The following PSD3 variants were observed in gnomAD, a reference collection of about 807,000 sequenced individuals.
PSD3 encodes pleckstrin and Sec7 domain containing 3, also known as PH and SEC7 domain-containing protein 3.
PSD3 carries 49 observed loss-of-function variants against 105.5 expected under a neutral mutation model. That is an observed-to-expected ratio of 0.46 (90% CI 0.37 to 0.59). The LOEUF (loss-of-function observed/expected upper bound fraction) is 0.59. Ranked by LOEUF, PSD3 falls within the 20% of genes least tolerant of loss-of-function variation. The pLI is 0.00. For synonymous variants in PSD3, 557 were observed against 457.8 expected, an observed-to-expected ratio of 1.22 and a Z score of -2.77; for missense variants, 1,561 against 1,263.8, an observed-to-expected ratio of 1.24 and a Z score of -3.57.
intron 1 of PSD3, among the ~76,000 whole-genome samples, chr8:19,040,704 G>A (rs1001326200): frequency 2.6e-5 from 4 of 152,140 alleles, no homozygotes; most frequent in African/African-American, 9.7e-5. Context: ...AGATCACAGT[G>A]GCTTGGACCA....
chr8:18,777,962 C>T (rs1378682441), intron 8 of PSD3, among the ~76,000 whole-genome samples: 4 of 152,056 alleles, frequency 2.6e-5, no homozygotes, highest in African/African-American at 4.8e-5. Flanking sequence ...TCCACGTTAC[C>T]GTAAATGCCA....
intron 12 of PSD3, among the ~76,000 whole-genome samples, chr8:18,578,132 T>C (rs1424648634): frequency 6.9e-6 from 1 of 145,234 alleles, no homozygotes; most frequent in Non-Finnish European, 1.5e-5. Context: ...TTTTCTCTTT[T>C]TCTTGTTTTT....
At chr8:18,778,710 T>C (rs1425159897) in intron 8 of PSD3, among the ~76,000 whole-genome samples, 1 of 151,900 alleles carries the variant, frequency 6.6e-6, no homozygotes, top group Non-Finnish European at 1.5e-5. Flanking sequence ...CAAAAATATA[T>C]AATTATATTA....
chr8:18,574,024 T>A (rs1385430183), intron 13 of PSD3, among the ~76,000 whole-genome samples: 2 of 152,198 alleles, frequency 1.3e-5, no homozygotes, highest in Non-Finnish European at 2.9e-5. Context: ...TATTTTTAAT[T>A]TATGTGTCAT....
At chr8:18,960,823 T>G (rs754431792) in intron 1 of PSD3, among the ~76,000 whole-genome samples, 11 of 152,086 alleles carry the variant, frequency 7.2e-5, no homozygotes, top group Non-Finnish European at 1.2e-4. Flanking sequence ...CAGTGGCTAA[T>G]ATCGGTAATC....
At chr8:18,659,214 C>A (rs1343233825) in intron 9 of PSD3, among the ~76,000 whole-genome samples, 1 of 152,164 alleles carries the variant, frequency 6.6e-6, no homozygotes, top group African/African-American at 2.4e-5. Flanking sequence ...GTGACTAATT[C>A]AGCACTACTA....
At chr8:18,788,391 G>A (rs527745952) in intron 8 of PSD3, among the ~76,000 whole-genome samples, 6 of 152,250 alleles carry the variant, frequency 3.9e-5, no homozygotes, top group African/African-American at 1.2e-4. Context: ...CTCAGCAAGC[G>A]GGTGACCAAA....
At chr8:18,658,634 T>C (rs1378011331) in intron 9 of PSD3, among the ~76,000 whole-genome samples, 1 of 151,984 alleles carries the variant, frequency 6.6e-6, no homozygotes, top group African/African-American at 2.4e-5. Flanking sequence ...GGGATCCTCT[T>C]GCCTTAGCCT....
intron 11 of PSD3, among the ~76,000 whole-genome samples, chr8:18,616,874 C>G (rs934715200): frequency 1.3e-5 from 2 of 151,970 alleles, no homozygotes; most frequent in African/African-American, 4.8e-5. Context: ...CCGCCCGCCT[C>G]GGCCTCCCAA....
chr8:18,894,864 G>T (rs1819036223), intron 2 of PSD3, among the ~76,000 whole-genome samples: 1 of 152,188 alleles, frequency 6.6e-6, no homozygotes, highest in Non-Finnish European at 1.5e-5. Context: ...ACATCCGGAA[G>T]GGACAAGTAT....
chr8:18,960,669 C>T (rs1414385314), intron 1 of PSD3, among the ~76,000 whole-genome samples: 1 of 152,058 alleles, frequency 6.6e-6, no homozygotes, highest in African/African-American at 2.4e-5. Context: ...ACCAACAGAT[C>T]CCAATTAGAT....
At chr8:18,679,416 G>C (rs959897291) in intron 9 of PSD3, among the ~76,000 whole-genome samples, 2 of 152,150 alleles carry the variant, frequency 1.3e-5, no homozygotes, top group Non-Finnish European at 2.9e-5. Flanking sequence ...GCAGAGCAGA[G>C]GTTTGGAGCA....
chr8:18,818,350 G>A lies in PSD3; in HGVS notation c.1635-13452C>T, dbSNP rs181123252. Among the ~76,000 whole-genome samples, 409 of 151,182 alleles carry A rather than the reference G, an allele frequency of 2.7e-3. 1 individual carries two copies. The highest frequency in any genetic ancestry group is 9.8e-3 in the African/African-American group (399 of 40,852). On this transcript the variant is annotated intron_variant, in intron 4 of 15. Coordinates refer to ENST00000327040, the MANE Select transcript of PSD3 (RefSeq NM_015310.4). ...CATTTATTATATTTTAAAGTAGGGA[G>A]CTACTTTTTTTTTTTAGGGAGCTAT...
intron 14 of PSD3, among the ~76,000 whole-genome samples, chr8:18,559,000 C>A (rs904112761): frequency 6.6e-6 from 1 of 152,122 alleles, no homozygotes; most frequent in Non-Finnish European, 1.5e-5. Flanking sequence ...CTGCAGGACA[C>A]ATTACAATTT....
At chr8:18,863,288 G>A (rs192692076) in intron 4 of PSD3, among the ~76,000 whole-genome samples, 87 of 152,284 alleles carry the variant, frequency 5.7e-4, no homozygotes, top group Admixed American at 5.0e-3. Context: ...ATAAGCCGGC[G>A]AGCGAGAAGC....
chr8:18,761,260 C>A (rs188907419), intron 9 of PSD3, among the ~76,000 whole-genome samples: 1 of 152,122 alleles, frequency 6.6e-6, no homozygotes, highest in African/African-American at 2.4e-5. Context: ...GGCTATGTAT[C>A]TTTGGAAAGC....
chr8:18,752,625 TTATATATAATATATATAA>T (rs377743548), intron 9 of PSD3, among the ~76,000 whole-genome samples: 2 of 91,536 alleles, frequency 2.2e-5, no homozygotes, highest in Non-Finnish European at 3.8e-5. Context: ...ATAATATATA[TTATATATAATATATATAA>T]TATATATAAT....
At chr8:18,954,960 T>G (rs910167189) in intron 1 of PSD3, among the ~76,000 whole-genome samples, 3 of 152,242 alleles carry the variant, frequency 2.0e-5, no homozygotes, top group African/African-American at 7.2e-5. Context: ...AAAAAAGAGA[T>G]AACATCAAGG....
chr8:18,801,407 C>T, intron 6 of PSD3, 25 bp from the exon 7 acceptor site: 1 of 1,442,730 alleles, frequency 6.9e-7, no homozygotes, highest in Non-Finnish European at 9.6e-7. Context: ...AAAATTTAAA[C>T]AGTGAAATTT....
Sources: gnomAD v4.1 joint callset for allele counts (sites outside exome capture counted in the v4.1 genomes callset) on GRCh38, gnomAD v4.1.1 for gene constraint, MANE v1.5 for transcripts, NCBI Gene and HGNC (gene_info 2026-07-23, HGNC 2026-07-21) for gene names.